CELF2: variants seen among roughly 807,000 people sequenced by gnomAD.
CELF2 encodes CUG triplet repeat RNA-binding protein 2.
Under a neutral mutation model 62.6 loss-of-function variants are expected in CELF2, and 8 were observed. The observed-to-expected ratio is 0.13, with a 90% CI of 0.07 to 0.23. The LOEUF is 0.23. CELF2 is among the 10% of genes least tolerant of loss of function. The probability of loss-of-function intolerance (pLI) is 1.00; values close to 1 mark genes in which losing one functional copy is unlikely to be tolerated. For missense variants in CELF2, 333 were observed against 671.0 expected (o/e 0.50, Z 5.56); for synonymous variants, 258 against 250.0 (o/e 1.03, Z -0.30).
At chr10:10,769,302 G>A in the CELF2 span, among the ~76,000 whole-genome samples, 2 of 152,264 alleles carry the variant, frequency 1.3e-5, no homozygotes, top group Non-Finnish European at 1.5e-5. Context: ...ATCAATGAAT[G>A]ATGGGAAAGG....
At chr10:10,728,980 T>C in the CELF2 span, among the ~76,000 whole-genome samples, 1 of 152,176 alleles carries the variant, frequency 6.6e-6, no homozygotes, top group Non-Finnish European at 1.5e-5. Flanking sequence ...AATGAAATTA[T>C]CATTATAGAA....
At chr10:10,950,858 A>G (rs1019836777) in intron 2 of CELF2, among the ~76,000 whole-genome samples, 3 of 152,206 alleles carry the variant, frequency 2.0e-5, no homozygotes, top group Non-Finnish European at 2.9e-5. Context: ...CATCCTTGGC[A>G]TCTGGAAATC....
At chr10:10,501,127 A>G in the CELF2 span, among the ~76,000 whole-genome samples, 1 of 152,202 alleles carries the variant, frequency 6.6e-6, no homozygotes, top group Non-Finnish European at 1.5e-5. Flanking sequence ...ATGTCTCTGG[A>G]GTGCAGTTGC....
chr10:10,881,194 C>T (rs1205067796), intron 1 of CELF2, among the ~76,000 whole-genome samples: 1 of 152,140 alleles, frequency 6.6e-6, no homozygotes, highest in Non-Finnish European at 1.5e-5. Flanking sequence ...TGCGTAAGTT[C>T]TTGCTTTTGA....
chr10:10,729,742 G>A, the CELF2 span, among the ~76,000 whole-genome samples: 1 of 151,508 alleles, frequency 6.6e-6, no homozygotes, highest in Non-Finnish European at 1.5e-5. Flanking sequence ...TCATGCCACT[G>A]CACTCCACCC....
At chr10:11,219,034 G>A (rs1249637477) in intron 3 of CELF2, among the ~76,000 whole-genome samples, 2 of 152,208 alleles carry the variant, frequency 1.3e-5, no homozygotes, top group Non-Finnish European at 2.9e-5. Flanking sequence ...TAATGAGCAT[G>A]CCGAATCCCT....
At chr10:11,048,429 C>T (rs964526749) in intron 1 of CELF2, among the ~76,000 whole-genome samples, 8 of 152,148 alleles carry the variant, frequency 5.3e-5, no homozygotes, top group African/African-American at 1.7e-4. Flanking sequence ...CAGATGGTTG[C>T]GTTACTGTAC....
rs74411313 is a variant in CELF2 at position 11,282,103 on chromosome 10, G to A, written c.842-6315G>A. Reference sequence around the variant, plus strand: ...CTGGGCCCCTGTCACATTGCCTTTCGAAACCCTATGCTGGACCAGCCCTTT... The same window carrying A: ...CTGGGCCCCTGTCACATTGCCTTTCAAAACCCTATGCTGGACCAGCCCTTT... On this transcript the variant is annotated intron_variant, in intron 8 of 12. Coordinates refer to ENST00000633077, the MANE Select transcript of CELF2 (RefSeq NM_001326342.2). 2.2e-3 allele frequency among the ~76,000 whole-genome samples: 335 copies of A among 152,266 alleles called. 3 individuals are homozygous for A. The highest frequency in any genetic ancestry group is 0.016 in the Admixed American group (237 of 15,286).
chr10:10,681,362 G>T, the CELF2 span, among the ~76,000 whole-genome samples: 4 of 152,022 alleles, frequency 2.6e-5, no homozygotes, highest in African/African-American at 9.7e-5. Context: ...ACCTCCAACC[G>T]AGATGAAATC....
At chr10:11,047,548 T>A (rs2063085162) in intron 1 of CELF2, among the ~76,000 whole-genome samples, 1 of 152,202 alleles carries the variant, frequency 6.6e-6, no homozygotes, top group African/African-American at 2.4e-5. Context: ...TGGGAAGTAC[T>A]GTGTGAAAAT....
the CELF2 span, among the ~76,000 whole-genome samples, chr10:10,749,165 G>T: frequency 6.6e-6 from 1 of 152,160 alleles, no homozygotes. Context: ...TATTCGTCTA[G>T]AAATGCTTAT....
At chr10:11,085,876 G>C (rs2046569725) in intron 1 of CELF2, among the ~76,000 whole-genome samples, 1 of 151,346 alleles carries the variant, frequency 6.6e-6, no homozygotes. Context: ...TGCCCTGGAT[G>C]AATCCAGACC....
At chr10:11,195,507 C>A (rs1392851570) in intron 2 of CELF2, among the ~76,000 whole-genome samples, 1 of 152,180 alleles carries the variant, frequency 6.6e-6, no homozygotes, top group Admixed American at 6.5e-5. Context: ...GGCAGTGCTT[C>A]TTGTAGAAAG....
At chr10:10,584,385 G>A in the CELF2 span, among the ~76,000 whole-genome samples, 1,159 of 152,248 alleles carry the variant, frequency 7.6e-3, 34 homozygotes, top group East Asian at 0.1. Context: ...TTACAGCTGG[G>A]CGTATGCCTT....
At chr10:10,764,327 T>C in the CELF2 span, among the ~76,000 whole-genome samples, 1 of 152,346 alleles carries the variant, frequency 6.6e-6, no homozygotes, top group African/African-American at 2.4e-5. Context: ...AAAAATTCCA[T>C]TTGGGAACAT....
the CELF2 span, among the ~76,000 whole-genome samples, chr10:10,542,375 A>C: frequency 0.22 from 33,577 of 152,144 alleles, 4,494 homozygotes; most frequent in Non-Finnish European, 0.31. Context: ...AAAGAAAAAA[A>C]ACACCAGGGC....
In CELF2 at chr10:10,852,679, G is replaced by A. The variant is rs115480181; in HGVS notation, c.53+53862G>A. Among the ~76,000 whole-genome samples, 499 of 152,294 alleles carry A rather than the reference G, an allele frequency of 3.3e-3. 3 individuals carry two copies. The highest frequency in any genetic ancestry group is 0.012 in the African/African-American group (482 of 41,556). On this transcript the variant is annotated intron_variant, in intron 1 of 13. Coordinates refer to the CELF2 transcript ENST00000636488. The stretch of plus-strand genomic sequence containing the variant: ...ACATCATGGTTGTGATATTATACTA[G>A]AACACTTTTGCAAGATGTTACCCTC...
At chr10:11,020,048 G>A (rs906529367) in intron 1 of CELF2, among the ~76,000 whole-genome samples, 23 of 152,188 alleles carry the variant, frequency 1.5e-4, no homozygotes, top group Non-Finnish European at 1.5e-5. Context: ...ATTAAATTAT[G>A]AATTACAAAA....
chr10:10,790,931 C>T, the CELF2 span, among the ~76,000 whole-genome samples: 2 of 152,116 alleles, frequency 1.3e-5, no homozygotes, highest in African/African-American at 4.8e-5. Context: ...GCCTCTGTCA[C>T]CCACAAACTA....
Sources: allele counts gnomAD v4.1 joint callset (sites outside exome capture counted in the v4.1 genomes callset), GRCh38; gene constraint gnomAD v4.1.1; transcripts MANE v1.5; gene names NCBI Gene and HGNC (gene_info 2026-07-23, HGNC 2026-07-21).